SPHKAP: variants seen among roughly 807,000 people sequenced by gnomAD.
The protein encoded by SPHKAP is SPHK1 interactor, AKAP domain containing, also known as A-kinase anchor protein SPHKAP.
Under a neutral mutation model 137.5 loss-of-function variants are expected in SPHKAP, and 67 were observed. The observed-to-expected ratio is 0.49, with a 90% CI of 0.40 to 0.60. SPHKAP has a LOEUF of 0.60. Ranked by LOEUF, SPHKAP falls within the 20% of genes least tolerant of loss-of-function variation. SPHKAP has a pLI of 0.00. For synonymous variants in SPHKAP, 813 were observed against 785.3 expected (o/e 1.04, Z -0.59); for missense variants, 2,097 against 2,069.3 (o/e 1.01, Z -0.26).
At chr2:228,012,050 C>T (rs1361975091) in intron 7 of SPHKAP, among the ~76,000 whole-genome samples, 1 of 150,762 alleles carries the variant, frequency 6.6e-6, no homozygotes, top group Non-Finnish European at 1.5e-5. Flanking sequence ...CACCTATAGT[C>T]TCAGCTGCTT....
intron 1 of SPHKAP, among the ~76,000 whole-genome samples, chr2:228,168,153 T>G (rs1574914579): frequency 6.6e-6 from 1 of 152,182 alleles, no homozygotes; most frequent in East Asian, 1.9e-4. Flanking sequence ...TTATATACAG[T>G]TTATCATGAA....
intron 4 of SPHKAP, chr2:228,025,939 C>T: frequency 1.1e-6 from 1 of 887,376 alleles, no homozygotes; most frequent in Non-Finnish European, 1.3e-6. Flanking sequence ...CATCTTGTAG[C>T]TGCTATAATT....
Position 228,021,732 on chromosome 2 carries a change from C to T in SPHKAP, c.676G>A (p.Glu226Lys), listed in dbSNP as rs143438723. ...TASEHLEEES[E>K]VDESRNDYEN... ...TCACCGTTCCTAGATTCATCCACCT[C>T]GCTTTCCTCCTCCAAGTGCTCAGAA... Residue 226 changes from glutamate to lysine, a missense_variant, in exon 6 of 12, where the codon GAG (glutamate) becomes AAG (lysine). Transcript: ENST00000392056. The T allele has an allele frequency of 1.5e-5, 25 of 1,613,304 alleles. No homozygotes were observed. The highest frequency in any genetic ancestry group is 1.2e-4 in the African/African-American group (9 of 74,896).
intron 3 of SPHKAP, among the ~76,000 whole-genome samples, chr2:228,103,041 G>C (rs1337203214): frequency 6.6e-6 from 1 of 152,066 alleles, no homozygotes; most frequent in Non-Finnish European, 1.5e-5. Context: ...CACCGCACCA[G>C]GCCCCACTCT....
rs145840423 is a variant in SPHKAP at position 228,106,925 on chromosome 2, T to G, written c.246+1907A>C. On this transcript the variant is annotated intron_variant, in intron 3 of 11. Transcript: ENST00000392056. ...CCTTTAGGTTTAGAGTCCTGGATAC[T>G]TTTTAAAAATGTTTTAAGTTTTAAA... 4.0e-3 allele frequency among the ~76,000 whole-genome samples: 612 copies of G among 152,332 alleles called. 1 individual carries two copies. Among genetic ancestry groups the G allele is most frequent in the African/African-American group, 0.013 (555 of 41,584 alleles).
At chr2:228,083,394 T>A (rs111867708) in intron 3 of SPHKAP, among the ~76,000 whole-genome samples, 3,520 of 152,312 alleles carry the variant, frequency 0.023, 131 homozygotes, top group African/African-American at 0.079. Flanking sequence ...TGGTGTGAAA[T>A]GGTATCTCCT....
At chr2:228,030,383 G>T (rs58161634) in intron 3 of SPHKAP, among the ~76,000 whole-genome samples, 3 of 151,208 alleles carry the variant, frequency 2.0e-5, no homozygotes, top group Admixed American at 1.3e-4. Context: ...GTGTGGTGGC[G>T]CACACCTGTA....
chr2:227,989,452 G>C (rs17200524), intron 11 of SPHKAP, among the ~76,000 whole-genome samples: 14,476 of 152,150 alleles, frequency 0.095, 760 homozygotes, highest in Middle Eastern at 0.21. Context: ...TGATAGGCAG[G>C]ATCCTAAAAC....
chr2:228,060,782 C>G (rs1696606704), intron 3 of SPHKAP, among the ~76,000 whole-genome samples: 1 of 151,996 alleles, frequency 6.6e-6, no homozygotes, highest in Non-Finnish European at 1.5e-5. Context: ...CATGGAGAGG[C>G]AGAGCTTGGA....
rs141060404 is a variant in SPHKAP, at chr2:228,126,853, T to C, written c.138+5127A>G. On this transcript the variant is annotated intron_variant, in intron 2 of 11. Transcript: ENST00000392056. ...GAGGAAATTTGAGGAACACAAGCAA[T>C]TGTGTCTGGGTAGGATTCCTGAAAC... Among the ~76,000 whole-genome samples the C allele has an allele frequency of 2.9e-3, 440 of 152,264 alleles. 3 individuals carry two copies. The highest frequency in any genetic ancestry group is 0.013 in the South Asian group (63 of 4,822).
At chr2:228,077,715 T>A (rs1697228889) in intron 3 of SPHKAP, among the ~76,000 whole-genome samples, 1 of 152,196 alleles carries the variant, frequency 6.6e-6, no homozygotes, top group Admixed American at 6.5e-5. Context: ...GACTGTGGAC[T>A]TTTGAGTTAG....
intron 2 of SPHKAP, among the ~76,000 whole-genome samples, chr2:228,119,615 G>A (rs972772307): frequency 6.6e-6 from 1 of 151,842 alleles, no homozygotes; most frequent in African/African-American, 2.4e-5. Context: ...TCTACTCTGG[G>A]ATATAAATAC....
chr2:227,988,315 A>G (rs1038552339), intron 11 of SPHKAP, among the ~76,000 whole-genome samples: 3 of 152,234 alleles, frequency 2.0e-5, no homozygotes, highest in African/African-American at 4.8e-5. Context: ...ATTATTTAGA[A>G]TTAAGTTTCT....
chr2:228,071,061 A>G (rs1696989655), intron 3 of SPHKAP, among the ~76,000 whole-genome samples: 1 of 152,138 alleles, frequency 6.6e-6, no homozygotes, highest in South Asian at 2.1e-4. Flanking sequence ...AAGGGACCTC[A>G]TTGTCTACAC....
intron 3 of SPHKAP, among the ~76,000 whole-genome samples, chr2:228,083,888 C>T (rs879028053): frequency 2.0e-5 from 3 of 151,882 alleles, no homozygotes; most frequent in African/African-American, 4.8e-5. Flanking sequence ...ACAATGAGAA[C>T]ATATGGACAC....
chr2:228,173,643 T>A (rs572727504), intron 1 of SPHKAP, among the ~76,000 whole-genome samples: 3 of 152,186 alleles, frequency 2.0e-5, no homozygotes, highest in South Asian at 2.1e-4. Context: ...AATAAGACCA[T>A]TTCTCCTGCG....
At position 228,017,161 on chromosome 2, in the gene SPHKAP, T is replaced by G. The variant is rs767678866; in HGVS notation, c.3693A>C (p.Pro1231=). Residue 1231 remains proline (P), a synonymous_variant, in exon 7 of 12, where the codon CCA becomes CCC. Coordinates refer to ENST00000392056, the MANE Select transcript of SPHKAP (RefSeq NM_001142644.2). ...GCATGGACGACTGTCTGTGGCACAC[T>G]GGGGATCGCAGAGAAGGAGACAGCA... ...AGLLSPSLRS[P]VCHRQSSMPD... is the part of the protein sequence containing the mutation. 8 of 1,613,942 alleles carry G rather than the reference T, an allele frequency of 5.0e-6. 1 individual carries two copies. The Middle Eastern group carries it at 8.2e-4, about 166-fold the overall frequency.
chr2:228,043,119 G>A (rs1402513098), intron 3 of SPHKAP, among the ~76,000 whole-genome samples: 2 of 152,128 alleles, frequency 1.3e-5, no homozygotes, highest in Non-Finnish European at 2.9e-5. Flanking sequence ...AATGAATAAT[G>A]CTGAGAGAAC....
At chr2:228,041,593 G>A (rs80186732) in intron 3 of SPHKAP, among the ~76,000 whole-genome samples, 15,662 of 147,298 alleles carry the variant, frequency 0.11, 1,149 homozygotes, top group East Asian at 0.36. Flanking sequence ...GTTGCAGTGA[G>A]CAGAGATCGT....
Sources: gnomAD v4.1 joint callset for allele counts (sites outside exome capture counted in the v4.1 genomes callset) on GRCh38, gnomAD v4.1.1 for gene constraint, MANE v1.5 for transcripts, NCBI Gene and HGNC (gene_info 2026-07-23, HGNC 2026-07-21) for gene names.